The following CHCHD6 variants were observed in gnomAD, a reference collection of about 807,000 sequenced individuals.
The protein encoded by CHCHD6 is MICOS complex subunit MIC25.
A neutral mutation model predicts 32.3 loss-of-function variants in CHCHD6; 28 were observed. The ratio of observed to expected loss-of-function variants is 0.87; its 90% CI spans 0.64 to 1.19. The LOEUF is 1.19. Among genes scored for constraint, CHCHD6 ranks in the 50% most tolerant of loss-of-function variants. CHCHD6 has a pLI of 0.00. For missense variants in CHCHD6, 333 were observed against 307.0 expected (o/e 1.08, Z -0.63); for synonymous variants, 122 against 117.5 (o/e 1.04, Z -0.25).
chr3:126,779,170 T>C (rs1408939939), intron 4 of CHCHD6, among the ~76,000 whole-genome samples: 1 of 152,190 alleles, frequency 6.6e-6, no homozygotes, highest in Non-Finnish European at 1.5e-5. Context: ...TTGCTGGTAC[T>C]TTTATTGTCA....
chr3:126,835,258 G>A (rs946548958), intron 4 of CHCHD6, among the ~76,000 whole-genome samples: 1 of 152,146 alleles, frequency 6.6e-6, no homozygotes, highest in Non-Finnish European at 1.5e-5. Flanking sequence ...AGCAGAGGCA[G>A]GACAGTGCTC....
chr3:126,743,111 T>C (rs972635195), intron 4 of CHCHD6, among the ~76,000 whole-genome samples: 3 of 152,098 alleles, frequency 2.0e-5, no homozygotes, highest in African/African-American at 7.2e-5. Flanking sequence ...TATGGGGAGC[T>C]TGTGGACTCC....
chr3:126,842,403 C>T (rs1406231905), intron 4 of CHCHD6, among the ~76,000 whole-genome samples: 1 of 152,150 alleles, frequency 6.6e-6, no homozygotes, highest in Non-Finnish European at 1.5e-5. Context: ...GGTTATAATA[C>T]ATGTTCTTAG....
At chr3:126,822,908 C>T (rs946983105) in intron 4 of CHCHD6, among the ~76,000 whole-genome samples, 3 of 151,640 alleles carry the variant, frequency 2.0e-5, no homozygotes, top group South Asian at 2.1e-4. Context: ...CTTGTATATT[C>T]ATCCCTTTTT....
At chr3:126,704,487 TC>T in intron 1 of CHCHD6, 88 bp downstream of exon 1, 1 of 827,464 alleles carries the variant, frequency 1.2e-6, no homozygotes, top group Non-Finnish European at 1.7e-6. Context: ...CGGGGCTCTT[TC>T]CACGCGTGAG....
intron 4 of CHCHD6, among the ~76,000 whole-genome samples, chr3:126,796,351 A>G (rs114373095): frequency 6.6e-6 from 1 of 152,122 alleles, no homozygotes; most frequent in Non-Finnish European, 1.5e-5. Context: ...GACCCTGTCA[A>G]TCAGTTAATC....
intron 5 of CHCHD6, among the ~76,000 whole-genome samples, chr3:126,881,966 G>C (rs751170122): frequency 2.6e-5 from 4 of 152,156 alleles, no homozygotes; most frequent in African/African-American, 4.8e-5. Flanking sequence ...ACTTAAACAA[G>C]GGTCTCAGTT....
intron 4 of CHCHD6, among the ~76,000 whole-genome samples, chr3:126,840,867 T>TTTTATTTA: frequency 6.6e-6 from 1 of 151,708 alleles, no homozygotes; most frequent in East Asian, 1.9e-4. Context: ...GAGAAGTTCT[T>TTTTATTTA]TTTATTTATT....
chr3:126,733,232 G>A lies in CHCHD6; in HGVS notation c.411+10G>A. The A allele has an allele frequency of 1.9e-6, 3 of 1,611,284 alleles. No homozygotes were observed. Among genetic ancestry groups the A allele is most frequent in the Non-Finnish European group, 2.5e-6 (3 of 1,178,738 alleles). On this transcript the variant is annotated intron_variant, in intron 4 of 7. Coordinates refer to ENST00000290913, the MANE Select transcript of CHCHD6 (RefSeq NM_032343.3). ...GAAGTCAGTCCGGCTGGTGAGTGCA[G>A]ATTTTCCCTGATCTGGCCTTCTGAG...
At chr3:126,756,242 T>C (rs1936954699) in intron 4 of CHCHD6, among the ~76,000 whole-genome samples, 1 of 152,198 alleles carries the variant, frequency 6.6e-6, no homozygotes, top group Non-Finnish European at 1.5e-5. Flanking sequence ...GAAATAGAGA[T>C]GGCAGAAGCC....
chr3:126,720,791 G>A (rs1935246372), intron 1 of CHCHD6, among the ~76,000 whole-genome samples: 1 of 152,154 alleles, frequency 6.6e-6, no homozygotes, highest in Non-Finnish European at 1.5e-5. Context: ...ACCCAGCCTG[G>A]TGTCCTGTTT....
chr3:126,790,003 C>G (rs1015150716), intron 4 of CHCHD6, among the ~76,000 whole-genome samples: 1 of 151,900 alleles, frequency 6.6e-6, no homozygotes, highest in African/African-American at 2.4e-5. Flanking sequence ...TTCAGGAGCT[C>G]TTGTAGGGCA....
chr3:126,755,952 G>A (rs770539739), intron 4 of CHCHD6, among the ~76,000 whole-genome samples: 3 of 151,968 alleles, frequency 2.0e-5, no homozygotes, highest in Non-Finnish European at 4.4e-5. Context: ...TGCCCCTTTA[G>A]GTAGGGGCAG....
At chr3:126,732,303 C>G (rs765939771) in intron 3 of CHCHD6, among the ~76,000 whole-genome samples, 8 of 152,178 alleles carry the variant, frequency 5.3e-5, no homozygotes, top group Middle Eastern at 3.4e-3. Flanking sequence ...CCTCACCCCC[C>G]GTTTAGGGTT....
intron 4 of CHCHD6, among the ~76,000 whole-genome samples, chr3:126,837,520 T>C (rs1289457374): frequency 6.6e-6 from 1 of 152,198 alleles, no homozygotes; most frequent in East Asian, 1.9e-4. Context: ...GTCATGCTAT[T>C]GTACTTTAGC....
chr3:126,805,259 C>G (rs968303368), intron 4 of CHCHD6, among the ~76,000 whole-genome samples: 1 of 152,150 alleles, frequency 6.6e-6, no homozygotes, highest in Non-Finnish European at 1.5e-5. Context: ...GGAAGTCAAA[C>G]TGTCCCTGTT....
In CHCHD6 at chr3:126,862,429, T is replaced by TCCTCCTCCTCCACCATCACCA. The variant is rs1378179877; in HGVS notation, c.495+9731_495+9751dup. On this transcript the variant is annotated intron_variant, in intron 5 of 7. Coordinates refer to ENST00000290913, the MANE Select transcript of CHCHD6 (RefSeq NM_032343.3). ...CACCTCCTCCTCCACCATCACCACC[T>TCCTCCTCCTCCACCATCACCA]CCTCCTCCTCCACCATCACCACCTC... 5.0e-4 allele frequency among the ~76,000 whole-genome samples: 35 copies of TCCTCCTCCTCCACCATCACCA among 69,490 alleles called. 1 individual carries two copies. Among genetic ancestry groups the TCCTCCTCCTCCACCATCACCA allele is most frequent in the Non-Finnish European group, 6.8e-4 (24 of 35,096 alleles). 45.6% of individuals were successfully genotyped at this position (69,490 alleles called of 152,430 possible). A position where few individuals can be genotyped will look rare whatever the true frequency, so the allele number is the denominator to read the frequency against.
intron 6 of CHCHD6, among the ~76,000 whole-genome samples, chr3:126,931,376 G>A (rs762077186): frequency 2.6e-5 from 4 of 152,184 alleles, no homozygotes; most frequent in Non-Finnish European, 5.9e-5. Flanking sequence ...AGGCTGGTGG[G>A]ATGTGCTTGC....
chr3:126,849,523 CA>C (rs1941399829), intron 4 of CHCHD6, among the ~76,000 whole-genome samples: 1 of 152,202 alleles, frequency 6.6e-6, no homozygotes, highest in African/African-American at 2.4e-5. Flanking sequence ...CAGATTCCCT[CA>C]ATTCTCTATT....
Sources: allele counts gnomAD v4.1 joint callset (sites outside exome capture counted in the v4.1 genomes callset), GRCh38; gene constraint gnomAD v4.1.1; transcripts MANE v1.5; gene names NCBI Gene and HGNC (gene_info 2026-07-23, HGNC 2026-07-21).